CACNA1C: variants seen among roughly 807,000 people sequenced by gnomAD.
CACNA1C encodes the protein calcium voltage-gated channel subunit alpha1 C.
A neutral mutation model predicts 229.0 loss-of-function variants in CACNA1C; 30 were observed. That is an observed-to-expected ratio of 0.13 (90% CI 0.10 to 0.18). CACNA1C has a LOEUF of 0.18. CACNA1C is among the 10% of genes least tolerant of loss of function. CACNA1C has a pLI of 1.00. For missense variants in CACNA1C, 1,658 were observed against 2,845.0 expected (o/e 0.58, Z 9.49); for synonymous variants, 1,114 against 1,132.5 (o/e 0.98, Z 0.33).
At chr12:2,135,621 G>A (rs1284388261) in intron 3 of CACNA1C, among the ~76,000 whole-genome samples, 2 of 140,138 alleles carry the variant, frequency 1.4e-5, no homozygotes, top group Admixed American at 1.4e-4. Flanking sequence ...GGCTGCTCAG[G>A]GGTCAGGGGT....
rs889088086 is a variant in CACNA1C at position 2,678,323 on chromosome 12, C to T, written c.5091+456C>T. Reference sequence around the variant, plus strand: ...GCAGCAGAGGGCCGGAGCCTAGAGGCGGTGGCCCTTTGAGATGGAGCATAG... The same window carrying T: ...GCAGCAGAGGGCCGGAGCCTAGAGGTGGTGGCCCTTTGAGATGGAGCATAG... On this transcript the variant is annotated intron_variant, in intron 41 of 46. Coordinates refer to ENST00000399655, the MANE Select transcript of CACNA1C (RefSeq NM_000719.7). The surrounding 1 kb of genome is among the most constrained non-coding windows in gnomAD (Gnocchi z 4.1). 6.6e-6 allele frequency among the ~76,000 whole-genome samples: 1 copy of T among 152,160 alleles called. No individual in the cohort carries two copies. The highest frequency in any genetic ancestry group is 2.4e-5 in the African/African-American group (1 of 41,444).
rs528398957 is a variant in CACNA1C at position 2,138,283 on chromosome 12, G to C, written c.477+17853G>C. Among the ~76,000 whole-genome samples the C allele has an allele frequency of 5.3e-5, 8 of 151,412 alleles. No individual in the cohort carries two copies. In the South Asian group the frequency reaches 1.7e-3, roughly 32 times the overall value. On this transcript the variant is annotated intron_variant, in intron 3 of 46. Transcript: ENST00000399655. ...GAGGCTTCATCAGATCTGACTGGAA[G>C]TGCTGTGGTCCCTGTGGCCAGGCCA...
At position 2,486,071 on chromosome 12, in the gene CACNA1C, T is replaced by C. The variant is rs766002382; in HGVS notation, c.758-33T>C. The C allele has an allele frequency of 6.4e-7, 1 of 1,562,396 alleles. No individual in the cohort carries two copies. The highest frequency in any genetic ancestry group is 2.3e-5 in the East Asian group (1 of 44,148). On this transcript the variant is annotated intron_variant, in intron 5 of 46. Transcript: ENST00000399655. This position sits in a 1 kb window ranked among gnomAD's most constrained non-coding sequence, Gnocchi z 4.9. ...TGGCGTCAGCACGGTACCGCGGTGA[T>C]GCTTGGTTCAGTGAGTGGCTCTGTC...
chr12:2,670,822 C>G (rs531166752), intron 38 of CACNA1C, among the ~76,000 whole-genome samples: 2 of 151,580 alleles, frequency 1.3e-5, no homozygotes, highest in South Asian at 4.2e-4. Flanking sequence ...TCACCCCACT[C>G]TAGCCTGGGC....
At chr12:2,628,874 A>T (rs1384339482) in intron 29 of CACNA1C, among the ~76,000 whole-genome samples, 1 of 152,030 alleles carries the variant, frequency 6.6e-6, no homozygotes, top group East Asian at 1.9e-4. Context: ...TAAAGTGAAC[A>T]TTTTTTTTAA....
Position 2,682,525 on chromosome 12 carries a change from T to C in CACNA1C, c.5445-25T>C, listed in dbSNP as rs779725927. The C allele has an allele frequency of 4.4e-6, 7 of 1,607,892 alleles. No homozygotes were observed. The Admixed American group carries it at 1.2e-4, about 27-fold the overall frequency. On this transcript the variant is annotated intron_variant, in intron 42 of 46. Coordinates refer to ENST00000399655, the MANE Select transcript of CACNA1C (RefSeq NM_000719.7). Reference sequence around the variant, plus strand: ...GGAGGAAGGTTGGCAGTTTCTGATGTTTTTCTTCATCTTGGATATTGTAGG... The same window carrying C: ...GGAGGAAGGTTGGCAGTTTCTGATGCTTTTCTTCATCTTGGATATTGTAGG...
At chr12:2,411,662 G>T (rs539366230) in intron 3 of CACNA1C, among the ~76,000 whole-genome samples, 3 of 152,302 alleles carry the variant, frequency 2.0e-5, no homozygotes, top group African/African-American at 7.2e-5. Context: ...TTACACCAGG[G>T]AGCCCAGAGG....
intron 43 of CACNA1C, among the ~76,000 whole-genome samples, chr12:2,683,513 C>G (rs561006834): frequency 6.6e-6 from 1 of 152,326 alleles, no homozygotes; most frequent in South Asian, 2.1e-4. Flanking sequence ...CAACAGGCCT[C>G]TGAGACAGAG....
chr12:2,473,756 A>G (rs1261938482), intron 5 of CACNA1C, among the ~76,000 whole-genome samples: 1 of 152,212 alleles, frequency 6.6e-6, no homozygotes, highest in African/African-American at 2.4e-5. Flanking sequence ...CCAAAAATAT[A>G]TTTTAAAAGA....
intron 3 of CACNA1C, among the ~76,000 whole-genome samples, chr12:2,198,869 T>C (rs2097501193): frequency 6.6e-6 from 1 of 152,330 alleles, no homozygotes; most frequent in African/African-American, 2.4e-5. Flanking sequence ...TTTTACTATA[T>C]GCTAATTTTT....
rs375953942 is a variant in CACNA1C, at chr12:2,124,837, G to A, written c.477+4407G>A. ...ATATTTGAGGGGCAGGGAATGATGC[G>A]TACGATTAGGGATTGTCAAGTGGAG... On this transcript the variant is annotated intron_variant, in intron 3 of 46. Coordinates refer to ENST00000399655, the MANE Select transcript of CACNA1C (RefSeq NM_000719.7). 1.1e-3 allele frequency among the ~76,000 whole-genome samples: 172 copies of A among 152,274 alleles called. 1 individual carries two copies. Among genetic ancestry groups the A allele is most frequent in the South Asian group, 9.3e-3 (45 of 4,824 alleles).
chr12:2,535,118 G>A (rs1455959826), intron 9 of CACNA1C, among the ~76,000 whole-genome samples: 3 of 152,196 alleles, frequency 2.0e-5, no homozygotes, highest in East Asian at 1.9e-4. Context: ...AGCCGGGCAC[G>A]GTGGCTCACG....
intron 13 of CACNA1C, among the ~76,000 whole-genome samples, chr12:2,573,742 C>G (rs1008513769): frequency 6.6e-6 from 1 of 152,160 alleles, no homozygotes; most frequent in Admixed American, 6.5e-5. Context: ...AGCTGAAATT[C>G]CAAAGTTTGT....
intron 3 of CACNA1C, among the ~76,000 whole-genome samples, chr12:2,414,830 T>G (rs2098847163): frequency 6.6e-6 from 1 of 152,196 alleles, no homozygotes; most frequent in African/African-American, 2.4e-5. Context: ...GGCAGTCAGG[T>G]GTCTGCCGGG....
At chr12:1,993,341 T>A in intron 1 of CACNA1C, 1 of 1,614,112 alleles carries the variant, frequency 6.2e-7, no homozygotes, top group Non-Finnish European at 8.5e-7. Flanking sequence ...TGTCCTATTT[T>A]CCATGCTCAG....
chr12:1,991,147 T>C (rs1201244432), intron 1 of CACNA1C: 2 of 456,260 alleles, frequency 4.4e-6, no homozygotes, highest in African/African-American at 2.0e-5. Context: ...TGTTTAATAG[T>C]AGAGCAGTAC....
chr12:1,999,588 T>C (rs1384874562), intron 1 of CACNA1C, among the ~76,000 whole-genome samples: 1 of 151,894 alleles, frequency 6.6e-6, no homozygotes, highest in Non-Finnish European at 1.5e-5. Context: ...TAGCCAGGTG[T>C]GGTGGCACAT....
At chr12:2,532,659 CTG>C (rs1228526356) in intron 9 of CACNA1C, among the ~76,000 whole-genome samples, 1 of 152,220 alleles carries the variant, frequency 6.6e-6, no homozygotes, top group East Asian at 1.9e-4. Context: ...AAGAGCCTTC[CTG>C]TGTTCCATCC....
At chr12:2,538,974 C>T (rs2099862381) in intron 9 of CACNA1C, among the ~76,000 whole-genome samples, 1 of 152,210 alleles carries the variant, frequency 6.6e-6, no homozygotes, top group Non-Finnish European at 1.5e-5. Context: ...GCAGTCCAGC[C>T]TGCAAATGTG....
Sources: allele counts gnomAD v4.1 joint callset (sites outside exome capture counted in the v4.1 genomes callset), GRCh38; gene constraint gnomAD v4.1.1; non-coding constraint Gnocchi (gnomAD v3.1); transcripts MANE v1.5; gene names NCBI Gene and HGNC (gene_info 2026-07-23, HGNC 2026-07-21).